Variants in PECAM1 observed in about 807,000 individuals in gnomAD.
PECAM1 encodes the protein platelet endothelial cell adhesion molecule.
A neutral mutation model predicts 13.8 loss-of-function variants in PECAM1; 8 were observed. The ratio of observed to expected loss-of-function variants is 0.58; its 90% CI spans 0.34 to 1.05. The LOEUF (loss-of-function observed/expected upper bound fraction) is 1.05, where lower values mean the gene tolerates loss of function less well. Among genes scored for constraint, PECAM1 ranks in the 50% least tolerant of loss-of-function variants. The pLI is 0.03. For missense variants in PECAM1, 304 were observed against 141.2 expected, an observed-to-expected ratio of 2.15 and a Z score of -5.84; for synonymous variants, 136 against 52.6, an observed-to-expected ratio of 2.58 and a Z score of -6.86.
intron 5 of PECAM1, among the ~76,000 whole-genome samples, chr17:64,367,405 C>T (rs1019753322): frequency 0.042 from 6,384 of 152,072 alleles, 240 homozygotes; most frequent in African/African-American, 0.099. Context: ...CAAAAATTAT[C>T]TAGGTGTGGT....
At chr17:64,384,397 C>G (rs996333268) in intron 2 of PECAM1, among the ~76,000 whole-genome samples, 2 of 152,160 alleles carry the variant, frequency 1.3e-5, no homozygotes, top group African/African-American at 4.8e-5. Flanking sequence ...AGATGCCCCC[C>G]CCAATGGTCC....
At chr17:64,333,468 A>G (rs1210789883) in intron 14 of PECAM1, among the ~76,000 whole-genome samples, 1 of 151,790 alleles carries the variant, frequency 6.6e-6, no homozygotes, top group Non-Finnish European at 1.5e-5. Context: ...TGTGGTGGGG[A>G]GGGGGCTGTC....
intron 4 of PECAM1, among the ~76,000 whole-genome samples, chr17:64,374,504 G>T (rs1423058044): frequency 6.9e-6 from 1 of 145,642 alleles, no homozygotes; most frequent in Non-Finnish European, 1.5e-5. Flanking sequence ...CACACACAAG[G>T]TTGGGGTGGT....
chr17:64,360,161 C>A lies in PECAM1; in HGVS notation c.1471G>T (p.Val491Phe), dbSNP rs1416667973. 11 of 475,288 alleles carry A rather than the reference C, an allele frequency of 2.3e-5. No homozygotes were observed. The highest frequency in any genetic ancestry group is 3.9e-5 in the Non-Finnish European group (10 of 259,082). 29.4% of individuals were successfully genotyped at this position (475,288 alleles called of 1,614,324 possible). Residue 491 changes from valine (V) to phenylalanine (F), a missense_variant, in exon 7 of 16, where the codon GTT becomes TTT. Physicochemically the swap from Val to Phe is conservative, Grantham distance 50 (BLOSUM62 -1). Transcript: ENST00000563924. ...CHSHAKMLSEVLRVKVIAPVD... is the reference protein window; with the variant it reads ...CHSHAKMLSEFLRVKVIAPVD... ...TTACCTATCACCTTCACCCTCAGAA[C>A]CTCACTTAACATTTTGGCATGGGAA...
chr17:64,377,162 C>T (rs1370070048), intron 3 of PECAM1, among the ~76,000 whole-genome samples: 3 of 152,082 alleles, frequency 2.0e-5, no homozygotes, highest in Non-Finnish European at 4.4e-5. Context: ...CAGATTGAAA[C>T]CCAGGCAGAG....
chr17:64,370,089 T>C (rs946580036), intron 4 of PECAM1, 64 bp from the exon 5 acceptor site: 29 of 398,340 alleles, frequency 7.3e-5, no homozygotes, highest in Non-Finnish European at 1.2e-4. Context: ...GAGCCTCTTC[T>C]GCTCTTTTTG....
At chr17:64,340,782 C>T (rs2035406999) in intron 14 of PECAM1, among the ~76,000 whole-genome samples, 1 of 152,080 alleles carries the variant, frequency 6.6e-6, no homozygotes, top group East Asian at 1.9e-4. Context: ...CACACCCACT[C>T]CCAAAGTCAG....
At chr17:64,385,798 C>G (rs1443830313) in intron 2 of PECAM1, among the ~76,000 whole-genome samples, 1 of 152,144 alleles carries the variant, frequency 6.6e-6, no homozygotes, top group Admixed American at 6.5e-5. Flanking sequence ...TGGGGTACTC[C>G]AGGTAAGAGA....
chr17:64,366,296 A>C (rs1369749102), intron 5 of PECAM1, among the ~76,000 whole-genome samples: 1 of 152,012 alleles, frequency 6.6e-6, no homozygotes, highest in African/African-American at 2.4e-5. Flanking sequence ...ACCAGTTAGA[A>C]TGGCGATCAT....
At chr17:64,386,655 G>T (rs9892298) in intron 2 of PECAM1, among the ~76,000 whole-genome samples, 134,249 of 152,012 alleles carry the variant, frequency 0.88, 61,707 homozygotes, top group East Asian at 1. Flanking sequence ...CACGCAGCTG[G>T]GTGTGGTGGC....
intron 15 of PECAM1, 38 bp downstream of exon 15, chr17:64,329,662 G>A: frequency 1.3e-6 from 1 of 741,942 alleles, no homozygotes; most frequent in South Asian, 1.4e-5. Flanking sequence ...GTTCAGTGGA[G>A]TACTTTTAAA....
At chr17:64,339,620 G>A (rs4968622) in intron 14 of PECAM1, among the ~76,000 whole-genome samples, 63,629 of 151,778 alleles carry the variant, frequency 0.42, 13,642 homozygotes, top group Non-Finnish European at 0.47. Context: ...GAGAACGGCT[G>A]TTTATTGTCA....
chr17:64,381,073 G>A (rs1304928566), intron 2 of PECAM1, among the ~76,000 whole-genome samples: 1 of 152,214 alleles, frequency 6.6e-6, no homozygotes, highest in Non-Finnish European at 1.5e-5. Flanking sequence ...GGAGGGAGGG[G>A]CTATGGGGTA....
chr17:64,349,520 G>A lies in PECAM1; in HGVS notation c.2044+860C>T, dbSNP rs975613752. On this transcript the variant is annotated intron_variant, in intron 12 of 15. Transcript: ENST00000563924. Reference sequence around the variant, plus strand: ...CGAGAATGGCTTGAACCCGAGAGGCGGAGGCTGCAGTGAGCCAAGATTGTG... The same window carrying A: ...CGAGAATGGCTTGAACCCGAGAGGCAGAGGCTGCAGTGAGCCAAGATTGTG... 2.2e-3 allele frequency among the ~76,000 whole-genome samples: 321 copies of A among 143,802 alleles called. 1 individual carries two copies. The highest frequency in any genetic ancestry group is 7.6e-3 in the African/African-American group (302 of 39,922). The allele number at this position is 143,802 out of a possible 152,430, so 94.3% of individuals were successfully genotyped here.
intron 5 of PECAM1, among the ~76,000 whole-genome samples, chr17:64,366,829 TGGGGGGA>T (rs1357958648): frequency 8.0e-5 from 4 of 50,152 alleles, no homozygotes; most frequent in Admixed American, 3.2e-4. Flanking sequence ...TGTAGTGGGG[TGGGGGGA>T]GGGGGGAGGG....
chr17:64,370,306 C>T (rs2036212492), intron 4 of PECAM1: 2 of 260,890 alleles, frequency 7.7e-6, no homozygotes, highest in Admixed American at 5.4e-5. Context: ...CAGAGGACTT[C>T]AGAAATAACC....
At position 64,369,377 on chromosome 17, in the gene PECAM1, T is replaced by C. The variant is rs1039656836; in HGVS notation, c.967+373A>G. Among the ~76,000 whole-genome samples, 5 of 152,036 alleles carry C rather than the reference T, an allele frequency of 3.3e-5. No homozygotes were observed. The East Asian group carries it at 9.7e-4, about 29-fold the overall frequency. ...TGAAAACATTAACCAGTGTTCAGAG[T>C]CTTACTCTGTACAAATCTCTCAGCT... On this transcript the variant is annotated intron_variant, in intron 5 of 15. Transcript: ENST00000563924.
At chr17:64,344,826 A>G (rs2035523833) in intron 13 of PECAM1, among the ~76,000 whole-genome samples, 1 of 151,806 alleles carries the variant, frequency 6.6e-6, no homozygotes, top group Non-Finnish European at 1.5e-5. Flanking sequence ...ATTCCCAAAA[A>G]GCTCTCCATT....
intron 15 of PECAM1, 38 bp from the exon 16 acceptor site, chr17:64,323,883 C>T (rs1555645074): frequency 1.3e-6 from 1 of 791,712 alleles, no homozygotes; most frequent in Admixed American, 1.7e-5. Context: ...ATGATCACAC[C>T]TCTCAAGATT....
Sources: gnomAD v4.1 joint callset for allele counts (sites outside exome capture counted in the v4.1 genomes callset) on GRCh38, gnomAD v4.1.1 for gene constraint, MANE v1.5 for transcripts, NCBI Gene and HGNC (gene_info 2026-07-23, HGNC 2026-07-21) for gene names.